Variants in PLXNA4 observed in about 807,000 individuals in gnomAD.
PLXNA4 encodes plexin A4, also known as plexin-A4.
A neutral mutation model predicts 191.8 loss-of-function variants in PLXNA4; 44 were observed. The observed-to-expected ratio is 0.23, with a 90% CI of 0.18 to 0.29. PLXNA4 has a LOEUF of 0.29. Ranked by LOEUF, PLXNA4 falls within the 10% of genes least tolerant of loss-of-function variation. The pLI is 1.00. For missense variants in PLXNA4, 1,800 were observed against 2,488.8 expected (o/e 0.72, Z 5.89); for synonymous variants, 1,082 against 1,009.5 (o/e 1.07, Z -1.36).
intron 13 of PLXNA4, 55 bp downstream of exon 13, chr7:132,198,430 T>C (rs963515948): frequency 1.3e-6 from 2 of 1,586,908 alleles, no homozygotes; most frequent in East Asian, 2.2e-5. Flanking sequence ...ACATCCCTAA[T>C]ACTAACCCGT....
intron 4 of PLXNA4, among the ~76,000 whole-genome samples, chr7:132,287,789 C>T (rs1800738609): frequency 6.6e-6 from 1 of 152,170 alleles, no homozygotes; most frequent in South Asian, 2.1e-4. Flanking sequence ...ACCCAGGGCT[C>T]CATGTACCCC....
At chr7:132,174,060 C>CTG (rs1796374189) in intron 21 of PLXNA4, among the ~76,000 whole-genome samples, 1 of 152,208 alleles carries the variant, frequency 6.6e-6, no homozygotes, top group Admixed American at 6.5e-5. Flanking sequence ...AGGGCTTAAA[C>CTG]TGTGCTAAGA....
At chr7:132,293,449 A>T (rs1800964796) in intron 4 of PLXNA4, among the ~76,000 whole-genome samples, 1 of 152,138 alleles carries the variant, frequency 6.6e-6, no homozygotes, top group Non-Finnish European at 1.5e-5. Context: ...CATGGGGGAA[A>T]CCACCCCCAG....
chr7:132,404,818 A>G (rs1030394548), intron 3 of PLXNA4, among the ~76,000 whole-genome samples: 7 of 152,040 alleles, frequency 4.6e-5, no homozygotes, highest in South Asian at 2.1e-4. Flanking sequence ...GCCTACTACT[A>G]CTATTATTAT....
intron 1 of PLXNA4, among the ~76,000 whole-genome samples, chr7:132,562,775 C>T (rs1181911121): frequency 1.6e-5 from 2 of 127,880 alleles, no homozygotes; most frequent in African/African-American, 6.5e-5. Flanking sequence ...TCTCCTTTTC[C>T]TCCCCCTCTT....
At chr7:132,181,720 G>A (rs1467429302) in intron 17 of PLXNA4, 100 bp from the exon 18 acceptor site, 1 of 1,509,146 alleles carries the variant, frequency 6.6e-7, no homozygotes, top group Non-Finnish European at 8.8e-7. Context: ...GGGATAGCAA[G>A]GGGTTGACAA....
At chr7:132,315,422 A>G (rs1174539792) in intron 3 of PLXNA4, among the ~76,000 whole-genome samples, 1 of 152,244 alleles carries the variant, frequency 6.6e-6, no homozygotes, top group African/African-American at 2.4e-5. Context: ...ACACATAGTA[A>G]GGACACAATA....
chr7:132,278,481 AG>A (rs1358916874), intron 4 of PLXNA4, among the ~76,000 whole-genome samples: 2 of 152,100 alleles, frequency 1.3e-5, no homozygotes, highest in Non-Finnish European at 1.5e-5. Flanking sequence ...CCAAATTCCA[AG>A]GGTCAACTAA....
chr7:132,490,595 T>A (rs1177276671), intron 2 of PLXNA4, among the ~76,000 whole-genome samples: 1 of 151,668 alleles, frequency 6.6e-6, no homozygotes, highest in South Asian at 2.1e-4. Flanking sequence ...CTGGCTAAAT[T>A]TTTGTATTTT....
intron 30 of PLXNA4, among the ~76,000 whole-genome samples, chr7:132,140,070 T>A (rs1302354763): frequency 1.3e-5 from 2 of 152,140 alleles, no homozygotes; most frequent in African/African-American, 4.8e-5. Flanking sequence ...ATCACAACGC[T>A]GCAAGAACCA....
intron 3 of PLXNA4, among the ~76,000 whole-genome samples, chr7:132,410,382 T>C (rs940854188): frequency 6.6e-6 from 1 of 152,204 alleles, no homozygotes; most frequent in African/African-American, 2.4e-5. Context: ...TTTTCCTGAC[T>C]TCGCCCATGA....
chr7:132,540,946 G>A (rs1264617351), intron 1 of PLXNA4, among the ~76,000 whole-genome samples: 1 of 152,120 alleles, frequency 6.6e-6, no homozygotes, highest in Non-Finnish European at 1.5e-5. Context: ...GGGAGACGGA[G>A]GTAAGGATGA....
intron 3 of PLXNA4, among the ~76,000 whole-genome samples, chr7:132,436,104 C>T (rs539876408): frequency 3.1e-4 from 47 of 152,338 alleles, no homozygotes; most frequent in Non-Finnish European, 6.0e-4. Flanking sequence ...GGCAACTTGT[C>T]AAAGTCACCT....
intron 22 of PLXNA4, among the ~76,000 whole-genome samples, chr7:132,165,443 G>A (rs1272190720): frequency 1.3e-5 from 2 of 152,206 alleles, no homozygotes; most frequent in Non-Finnish European, 2.9e-5. Flanking sequence ...CAGGCTGTGG[G>A]TGGGATTTTG....
chr7:132,526,364 C>G (rs1173944747), intron 1 of PLXNA4, among the ~76,000 whole-genome samples: 1 of 152,166 alleles, frequency 6.6e-6, no homozygotes, highest in Non-Finnish European at 1.5e-5. Context: ...TTCTCCTGAT[C>G]CTCTTAGCAC....
chr7:132,418,378 G>A (rs1794735048), intron 3 of PLXNA4, among the ~76,000 whole-genome samples: 1 of 152,092 alleles, frequency 6.6e-6, no homozygotes, highest in Non-Finnish European at 1.5e-5. Context: ...CATAATATCA[G>A]GATTGAAACT....
At chr7:132,615,577 T>C (rs1024985313) in intron 2 of PLXNA4, among the ~76,000 whole-genome samples, 1 of 152,176 alleles carries the variant, frequency 6.6e-6, no homozygotes, top group African/African-American at 2.4e-5. Flanking sequence ...CTTTTTCTCC[T>C]TCCTGCACCC....
intron 3 of PLXNA4, among the ~76,000 whole-genome samples, chr7:132,426,356 G>A (rs1251842085): frequency 6.6e-6 from 1 of 152,164 alleles, no homozygotes; most frequent in South Asian, 2.1e-4. Context: ...AGGAGTTAGG[G>A]TAGGAACAGG....
rs76715194 is a variant in PLXNA4 at position 132,162,302 on chromosome 7, A to G, written c.4500+1840T>C. ...GGCCGTTTCTTCTCCAGGCAAAACA[A>G]TTGCAGTTTCTTTCCTCTTTCCTCA... On this transcript the variant is annotated intron_variant, in intron 24 of 31. Transcript: ENST00000321063. 5.0e-4 allele frequency among the ~76,000 whole-genome samples: 76 copies of G among 152,268 alleles called. 2 individuals are homozygous for G. The East Asian group carries it at 0.014, about 29-fold the overall frequency.
Sources: allele counts gnomAD v4.1 joint callset (sites outside exome capture counted in the v4.1 genomes callset), GRCh38; gene constraint gnomAD v4.1.1; transcripts MANE v1.5; gene names NCBI Gene and HGNC (gene_info 2026-07-23, HGNC 2026-07-21).